CLEC6A: variants seen among roughly 807,000 people sequenced by gnomAD.
CLEC6A encodes the protein C-type lectin domain family 6 member A.
In CLEC6A, 22 loss-of-function variants were observed where a neutral mutation model predicts 25.7. The ratio of observed to expected loss-of-function variants is 0.85; its 90% CI spans 0.61 to 1.22. The LOEUF (loss-of-function observed/expected upper bound fraction) is 1.22. Ranked by LOEUF, CLEC6A falls within the 50% of genes most tolerant of loss-of-function variation. CLEC6A has a pLI of 0.00. For missense variants in CLEC6A, 240 were observed against 236.8 expected (o/e 1.01, Z -0.09); for synonymous variants, 92 against 76.7 (o/e 1.20, Z -1.04).
At chr12:8,461,761 G>T (rs772941763) in intron 3 of CLEC6A, among the ~76,000 whole-genome samples, 13 of 152,144 alleles carry the variant, frequency 8.5e-5, no homozygotes, top group Non-Finnish European at 1.3e-4. Flanking sequence ...ATCTTCTTCA[G>T]TTTGTTTCCC....
chr12:8,464,335 T>TTC (rs148767383), intron 3 of CLEC6A, among the ~76,000 whole-genome samples: 110,681 of 147,950 alleles, frequency 0.75, 42,015 homozygotes, highest in East Asian at 0.98. Context: ...TTCTTTTTCT[T>TTC]TTTTTTTTTT....
At chr12:8,476,365 A>T (rs1176553285) in intron 5 of CLEC6A, 125 bp downstream of exon 5, 4 of 637,870 alleles carry the variant, frequency 6.3e-6, no homozygotes, top group Non-Finnish European at 5.5e-6. Flanking sequence ...ATTACTAAGG[A>T]TATGCATTAT....
intron 3 of CLEC6A, among the ~76,000 whole-genome samples, chr12:8,464,719 T>C (rs961455885): frequency 3.9e-5 from 6 of 152,228 alleles, no homozygotes; most frequent in African/African-American, 1.4e-4. Flanking sequence ...CAAAATCATA[T>C]TGATATAAAA....
intron 3 of CLEC6A, among the ~76,000 whole-genome samples, chr12:8,465,000 C>T (rs766634357): frequency 1.3e-5 from 2 of 152,126 alleles, no homozygotes; most frequent in Non-Finnish European, 2.9e-5. Context: ...CATTGAGGCT[C>T]AAGAAGGTTA....
At chr12:8,459,172 T>A (rs4264222) in intron 2 of CLEC6A, among the ~76,000 whole-genome samples, 2 of 151,816 alleles carry the variant, frequency 1.3e-5, no homozygotes, top group African/African-American at 2.4e-5. Context: ...TAGGTGTTTG[T>A]GATTAAAAAA....
Position 8,466,662 on chromosome 12 carries a change from G to GTT in CLEC6A, c.369+1043_369+1044dup, listed in dbSNP as rs59520151. Among the ~76,000 whole-genome samples, 1,012 of 146,902 alleles carry GTT rather than the reference G, an allele frequency of 6.9e-3. 5 individuals carry two copies. The highest frequency in any genetic ancestry group is 0.017 in the South Asian group (79 of 4,706). ...AGTGATGTTGAGCAAGTGTTGTTTTGTTTTTTTTTTTGAGACAGAGTGTCG... is the reference window on the plus strand; with the variant it reads ...AGTGATGTTGAGCAAGTGTTGTTTTGTTTTTTTTTTTTTGAGACAGAGTGTCG... On this transcript the variant is annotated intron_variant, in intron 4 of 5. Transcript: ENST00000382073.
At chr12:8,458,774 A>G (rs1448798076) in intron 2 of CLEC6A, among the ~76,000 whole-genome samples, 1 of 152,202 alleles carries the variant, frequency 6.6e-6, no homozygotes, top group Non-Finnish European at 1.5e-5. Context: ...TATTTCATAA[A>G]AAGAAACACA....
At chr12:8,467,792 A>G (rs1047681060) in intron 4 of CLEC6A, among the ~76,000 whole-genome samples, 8 of 152,170 alleles carry the variant, frequency 5.3e-5, no homozygotes, top group Admixed American at 3.9e-4. Flanking sequence ...AAGCCTACCA[A>G]TCATTAAACA....
At chr12:8,466,568 A>G (rs774878795) in intron 4 of CLEC6A, among the ~76,000 whole-genome samples, 1 of 152,202 alleles carries the variant, frequency 6.6e-6, no homozygotes, top group African/African-American at 2.4e-5. Flanking sequence ...TGCTTTTTGA[A>G]TAGTGACAAT....
At chr12:8,472,176 T>A (rs1479240606) in intron 4 of CLEC6A, among the ~76,000 whole-genome samples, 1 of 152,182 alleles carries the variant, frequency 6.6e-6, no homozygotes. Flanking sequence ...TTTCTGGTGA[T>A]GCATCTTCTC....
At position 8,459,031 on chromosome 12, in the gene CLEC6A, C is replaced by T. The variant is rs191902603; in HGVS notation, c.122-566C>T. On this transcript the variant is annotated intron_variant, in intron 2 of 5. Transcript: ENST00000382073. ...AGCCCATATGTTTATGTGTGGCTAC[C>T]TGCAGCTAGAATTATCTAGAAAACA... 1.2e-3 allele frequency among the ~76,000 whole-genome samples: 187 copies of T among 152,200 alleles called. 1 individual carries two copies. The highest frequency in any genetic ancestry group is 4.0e-3 in the African/African-American group (168 of 41,538).
At chr12:8,462,355 G>A (rs7302947) in intron 3 of CLEC6A, among the ~76,000 whole-genome samples, 88,591 of 123,266 alleles carry the variant, frequency 0.72, 32,015 homozygotes, top group East Asian at 0.95. Flanking sequence ...ACCCGTAAAG[G>A]GTCTGTGCTG....
chr12:8,466,163 T>C (rs1939826272), intron 4 of CLEC6A, among the ~76,000 whole-genome samples: 1 of 152,244 alleles, frequency 6.6e-6, no homozygotes, highest in South Asian at 2.1e-4. Context: ...TATACAAATA[T>C]ATTGTGAAAT....
chr12:8,473,632 GT>G (rs1939935470), intron 4 of CLEC6A, among the ~76,000 whole-genome samples: 1 of 152,054 alleles, frequency 6.6e-6, no homozygotes, highest in South Asian at 2.1e-4. Context: ...TCTGTTTTAT[GT>G]TTTTTGAGAA....
At chr12:8,464,120 T>C (rs1285924262) in intron 3 of CLEC6A, among the ~76,000 whole-genome samples, 1 of 152,204 alleles carries the variant, frequency 6.6e-6, no homozygotes, top group African/African-American at 2.4e-5. Flanking sequence ...ATAGGTATGG[T>C]TAATCTATTT....
rs1396058704 is a variant in CLEC6A at position 8,476,181 on chromosome 12, C to A, written c.426C>A (p.Asp142Glu). 1.2e-6 allele frequency: 2 copies of A among 1,610,244 alleles called. No individual in the cohort carries two copies. Among genetic ancestry groups the A allele is most frequent in the Non-Finnish European group, 1.7e-6 (2 of 1,179,078 alleles). Reference sequence around the variant, plus strand: ...TTTCTTATTTTCTGGGGCTTTCAGACCCACAAGGTAATAATAATTGGCAAT... The same window carrying A: ...TTTCTTATTTTCTGGGGCTTTCAGAACCACAAGGTAATAATAATTGGCAAT... ...ESFSYFLGLS[D>E]PQGNNNWQWI... Residue 142 changes from aspartate (D) to glutamate (E), a missense_variant, in exon 5 of 6, where the codon GAC becomes GAA. Transcript: ENST00000382073.
At chr12:8,474,315 A>G (rs1464604652) in intron 4 of CLEC6A, among the ~76,000 whole-genome samples, 1 of 152,128 alleles carries the variant, frequency 6.6e-6, no homozygotes, top group Non-Finnish European at 1.5e-5. Flanking sequence ...AGCACCATTT[A>G]TTGAATAGGG....
At chr12:8,476,986 G>A (rs150253952) in intron 5 of CLEC6A, among the ~76,000 whole-genome samples, 1 of 152,206 alleles carries the variant, frequency 6.6e-6, no homozygotes, top group East Asian at 1.9e-4. Context: ...ATACATAGAT[G>A]TAAGGAGATA....
Position 8,477,545 on chromosome 12 carries a change from A to T in CLEC6A, c.*81A>T. Reference sequence around the variant, plus strand: ...GTCTTTAAAATTGAACCCTATCATGAAATGATAATTTCTTCCTGAATTTAC... The same window carrying T: ...GTCTTTAAAATTGAACCCTATCATGTAATGATAATTTCTTCCTGAATTTAC... On this transcript the variant is annotated 3_prime_UTR_variant, in exon 6 of 6. Coordinates refer to ENST00000382073, the MANE Select transcript of CLEC6A (RefSeq NM_001007033.2). 1.9e-6 allele frequency: 2 copies of T among 1,071,002 alleles called. No homozygotes were observed. Among genetic ancestry groups the T allele is most frequent in the Non-Finnish European group, 2.7e-6 (2 of 748,120 alleles). The allele number at this position is 1,071,002 out of a possible 1,614,324, so 66.3% of individuals were successfully genotyped here. A position where few individuals can be genotyped will look rare whatever the true frequency, so the allele number is the denominator to read the frequency against.
Sources: gnomAD v4.1 joint callset for allele counts (sites outside exome capture counted in the v4.1 genomes callset) on GRCh38, gnomAD v4.1.1 for gene constraint, MANE v1.5 for transcripts, NCBI Gene and HGNC (gene_info 2026-07-23, HGNC 2026-07-21) for gene names.